The following PPIB variants were observed in gnomAD, a reference collection of about 807,000 sequenced individuals.
PPIB encodes peptidylprolyl isomerase B, also known as peptidyl-prolyl cis-trans isomerase B.
A neutral mutation model predicts 20.1 loss-of-function variants in PPIB; 15 were observed. The ratio of observed to expected loss-of-function variants is 0.75; its 90% CI spans 0.50 to 1.15. PPIB has a LOEUF of 1.15. Ranked by LOEUF, PPIB falls within the 50% of genes most tolerant of loss-of-function variation. The pLI, the probability that PPIB is intolerant of heterozygous loss-of-function variation, is 0.00. For synonymous variants in PPIB, 129 were observed against 111.0 expected, an observed-to-expected ratio of 1.16 and a Z score of -1.02; for missense variants, 278 against 283.0, an observed-to-expected ratio of 0.98 and a Z score of 0.13.
In PPIB at chr15:64,161,425, AT is replaced by A. The variant is rs1050336066; in HGVS notation, c.249+615del. ...AGGTGCACCCCGTCACACCCAGCTA[AT>A]TAAAAAAAATTTTTTTTGGCCGGGC... On this transcript the variant is annotated intron_variant, in intron 2 of 4. Transcript: ENST00000300026. This position sits in a 1 kb window ranked among gnomAD's most constrained non-coding sequence, Gnocchi z 4.2. 5.3e-5 allele frequency among the ~76,000 whole-genome samples: 8 copies of A among 152,048 alleles called. No homozygotes were observed. Among genetic ancestry groups the A allele is most frequent in the African/African-American group, 1.7e-4 (7 of 41,462 alleles).
In PPIB at chr15:64,158,677, C is replaced by T. The variant is rs562065632; in HGVS notation, c.343+1427G>A. Among the ~76,000 whole-genome samples the T allele has an allele frequency of 3.9e-5, 6 of 152,330 alleles. No individual in the cohort carries two copies. In the East Asian group the frequency reaches 7.7e-4, roughly 20 times the overall value. On this transcript the variant is annotated intron_variant, in intron 3 of 4. Transcript: ENST00000300026. The surrounding 1 kb of genome is among the most constrained non-coding windows in gnomAD (Gnocchi z 4.7). The stretch of plus-strand genomic sequence containing the variant: ...GGACATCACCCACCTCTCTGCACTC[C>T]GGGTACAGATGTCCTCACCCCACCT...
Position 64,160,803 on chromosome 15 carries a change from C to A in PPIB, c.250-606G>T, listed in dbSNP as rs557444607. 6.6e-6 allele frequency among the ~76,000 whole-genome samples: 1 copy of A among 152,144 alleles called. No individual in the cohort carries two copies. The highest frequency in any genetic ancestry group is 2.1e-4 in the South Asian group (1 of 4,814). On this transcript the variant is annotated intron_variant, in intron 2 of 4. Coordinates refer to ENST00000300026, the MANE Select transcript of PPIB (RefSeq NM_000942.5). This position sits in a 1 kb window ranked among gnomAD's most constrained non-coding sequence, Gnocchi z 4.8. ...CTGGGATTACAGGCATGTGCCACCACAATGCCCAGCTGATTTCTGTATTTT... is the reference window on the plus strand; with the variant it reads ...CTGGGATTACAGGCATGTGCCACCAAAATGCCCAGCTGATTTCTGTATTTT...
In PPIB at chr15:64,158,649, G is replaced by T. The variant is rs1359230881; in HGVS notation, c.343+1455C>A. On this transcript the variant is annotated intron_variant, in intron 3 of 4. Coordinates refer to ENST00000300026, the MANE Select transcript of PPIB (RefSeq NM_000942.5). The surrounding 1 kb of genome is among the most constrained non-coding windows in gnomAD (Gnocchi z 4.7). ...CTCCCTGCAGGCCGAAGCCCAGGCT[G>T]CAGGACATCACCCACCTCTCTGCAC... Among the ~76,000 whole-genome samples, 1 of 152,168 alleles carries T rather than the reference G, an allele frequency of 6.6e-6. No individual in the cohort carries two copies. Among genetic ancestry groups the T allele is most frequent in the East Asian group, 1.9e-4 (1 of 5,192 alleles).
rs1291526360 is a variant in PPIB at position 64,158,660 on chromosome 15, C to A, written c.343+1444G>T. 1.3e-5 allele frequency among the ~76,000 whole-genome samples: 2 copies of A among 152,210 alleles called. No individual in the cohort carries two copies. Among genetic ancestry groups the A allele is most frequent in the African/African-American group, 4.8e-5 (2 of 41,448 alleles). On this transcript the variant is annotated intron_variant, in intron 3 of 4. Coordinates refer to ENST00000300026, the MANE Select transcript of PPIB (RefSeq NM_000942.5). The surrounding 1 kb of genome is among the most constrained non-coding windows in gnomAD (Gnocchi z 4.7). ...CCGAAGCCCAGGCTGCAGGACATCACCCACCTCTCTGCACTCCGGGTACAG... is the reference window on the plus strand; with the variant it reads ...CCGAAGCCCAGGCTGCAGGACATCAACCACCTCTCTGCACTCCGGGTACAG...
In PPIB at chr15:64,156,937, G is replaced by A; in HGVS notation, c.344-28C>T. ...GGGAAAAAAGACAGAGCAGGTCAGGGGCGCTGGATTGCGCCAAACCAAGCA... is the reference window on the plus strand; with the variant it reads ...GGGAAAAAAGACAGAGCAGGTCAGGAGCGCTGGATTGCGCCAAACCAAGCA... On this transcript the variant is annotated intron_variant, in intron 3 of 4. Coordinates refer to ENST00000300026, the MANE Select transcript of PPIB (RefSeq NM_000942.5). The surrounding 1 kb of genome is among the most constrained non-coding windows in gnomAD (Gnocchi z 6.4). The A allele has an allele frequency of 6.2e-7, 1 of 1,612,232 alleles. No individual in the cohort carries two copies. The highest frequency in any genetic ancestry group is 1.1e-5 in the South Asian group (1 of 91,024).
In PPIB at chr15:64,156,579, GGT is replaced by G. The variant is rs1051298485; in HGVS notation, c.528+144_528+145del. 3.7e-5 allele frequency: 37 copies of G among 1,007,352 alleles called. 1 individual carries two copies. Among genetic ancestry groups the G allele is most frequent in the Middle Eastern group, 2.4e-4 (1 of 4,156 alleles). 62.4% of individuals were successfully genotyped at this position (1,007,352 alleles called of 1,614,324 possible). A position where few individuals can be genotyped will look rare whatever the true frequency, so the allele number is the denominator to read the frequency against. ...GAACCTTGGAGGCATGGAGGTACAG[GGT>G]TTATTCTGGACAGGAGCACTGGGCT... On this transcript the variant is annotated intron_variant, in intron 4 of 4. Coordinates refer to ENST00000300026, the MANE Select transcript of PPIB (RefSeq NM_000942.5). The surrounding 1 kb of genome is among the most constrained non-coding windows in gnomAD (Gnocchi z 6.4).
chr15:64,162,971 C>T lies in PPIB; in HGVS notation c.16G>A (p.Glu6Lys). ...GCAAGGAGCACCTTCATGTTGCGTT[C>T]GGAGAGGCGCAGCATCCACAGGCGG... MLRLS[E>K]RNMKVLLAAA... The change falls in exon 1 of 5, where the codon GAA becomes AAA. Residue 6 changes from glutamate (E) to lysine (K), a missense_variant. Coordinates refer to ENST00000300026, the MANE Select transcript of PPIB (RefSeq NM_000942.5). The T allele has an allele frequency of 6.2e-7, 1 of 1,612,032 alleles. No individual in the cohort carries two copies. The highest frequency in any genetic ancestry group is 1.3e-5 in the African/African-American group (1 of 74,984).
chr15:64,160,272 G>A lies in PPIB; in HGVS notation c.250-75C>T, dbSNP rs1387405049. 4 of 1,194,410 alleles carry A rather than the reference G, an allele frequency of 3.3e-6. No homozygotes were observed. Among genetic ancestry groups the A allele is most frequent in the African/African-American group, 3.0e-5 (2 of 66,556 alleles). The allele number at this position is 1,194,410 out of a possible 1,614,324, so 74.0% of individuals were successfully genotyped here. On this transcript the variant is annotated intron_variant, in intron 2 of 4. Transcript: ENST00000300026. This position sits in a 1 kb window ranked among gnomAD's most constrained non-coding sequence, Gnocchi z 4.8. ...ACATTACATTAAATAGGCCTCACAGGAACAAGTCCACAACTCCTGCTCGCA... is the reference window on the plus strand; with the variant it reads ...ACATTACATTAAATAGGCCTCACAGAAACAAGTCCACAACTCCTGCTCGCA...
At position 64,158,083 on chromosome 15, in the gene PPIB, C is replaced by T. The variant is rs1379692807; in HGVS notation, c.344-1174G>A. Among the ~76,000 whole-genome samples the T allele has an allele frequency of 6.6e-6, 1 of 152,216 alleles. No individual in the cohort carries two copies. The highest frequency in any genetic ancestry group is 1.5e-5 in the Non-Finnish European group (1 of 68,020). On this transcript the variant is annotated intron_variant, in intron 3 of 4. Transcript: ENST00000300026. The surrounding 1 kb of genome is among the most constrained non-coding windows in gnomAD (Gnocchi z 4.7). ...TAGCTCCAGCCACTCTCTCAAGATACAGGGGTTCCAAACTCAAATGGACAT... is the reference window on the plus strand; with the variant it reads ...TAGCTCCAGCCACTCTCTCAAGATATAGGGGTTCCAAACTCAAATGGACAT...
rs1269249612 is a variant in PPIB, at chr15:64,161,686, C to A, written c.249+355G>T. Among the ~76,000 whole-genome samples, 2 of 151,608 alleles carry A rather than the reference C, an allele frequency of 1.3e-5. No individual in the cohort carries two copies. The highest frequency in any genetic ancestry group is 4.9e-5 in the African/African-American group (2 of 41,234). On this transcript the variant is annotated intron_variant, in intron 2 of 4. Coordinates refer to ENST00000300026, the MANE Select transcript of PPIB (RefSeq NM_000942.5). This position sits in a 1 kb window ranked among gnomAD's most constrained non-coding sequence, Gnocchi z 4.2. ...GTTGCAGTGAGCTGAGGCCGCACCA[C>A]TGCACTCCAGCCCAGGCGACAAGAG...
Position 64,157,308 on chromosome 15 carries a change from G to A in PPIB, c.344-399C>T. Reference sequence around the variant, plus strand: ...AACTCTCCAGAAAAGGAGGACTGCTGTGGCTGACCAGCCTGTTTTCCTATG... The same window carrying A: ...AACTCTCCAGAAAAGGAGGACTGCTATGGCTGACCAGCCTGTTTTCCTATG... On this transcript the variant is annotated intron_variant, in intron 3 of 4. Transcript: ENST00000300026. This position sits in a 1 kb window ranked among gnomAD's most constrained non-coding sequence, Gnocchi z 4.2. The A allele has an allele frequency of 4.4e-6, 1 of 229,860 alleles. No homozygotes were observed. Among genetic ancestry groups the A allele is most frequent in the South Asian group, 7.2e-5 (1 of 13,796 alleles). 14.2% of individuals were successfully genotyped at this position (229,860 alleles called of 1,614,324 possible).
In PPIB at chr15:64,156,013, T is replaced by A. The variant is rs1432718363; in HGVS notation, c.*10A>T. On this transcript the variant is annotated 3_prime_UTR_variant, in exon 5 of 5. Transcript: ENST00000300026. The surrounding 1 kb of genome is among the most constrained non-coding windows in gnomAD (Gnocchi z 6.4). ...ACAGACGGTCACTCAAAGAAAGATGTCCCTGTGCCCTACTCCTTGGCGATG... is the reference window on the plus strand; with the variant it reads ...ACAGACGGTCACTCAAAGAAAGATGACCCTGTGCCCTACTCCTTGGCGATG... 6.2e-7 allele frequency: 1 copy of A among 1,614,086 alleles called. No homozygotes were observed. Among genetic ancestry groups the A allele is most frequent in the Non-Finnish European group, 8.5e-7 (1 of 1,179,988 alleles).
Position 64,155,924 on chromosome 15 carries a change from T to A in PPIB, c.*99A>T. ...TGGAATGTGAGGGGAGTGGGTCCGC[T>A]CCACCAGATGCCAGCACCGGGGCCA... On this transcript the variant is annotated 3_prime_UTR_variant, in exon 5 of 5. Transcript: ENST00000300026. The A allele has an allele frequency of 6.3e-7, 1 of 1,585,788 alleles. No homozygotes were observed. The highest frequency in any genetic ancestry group is 1.9e-4 in the Middle Eastern group (1 of 5,382).
Position 64,156,649 on chromosome 15 carries a change from G to A in PPIB, c.528+76C>T. On this transcript the variant is annotated intron_variant, in intron 4 of 4. Coordinates refer to ENST00000300026, the MANE Select transcript of PPIB (RefSeq NM_000942.5). This position sits in a 1 kb window ranked among gnomAD's most constrained non-coding sequence, Gnocchi z 6.4. ...CCTTTTGGGAAAGGGATGGACACAT[G>A]GAGCTCCTGCCCTGGGGTCTGTGTT... 6.4e-7 allele frequency: 1 copy of A among 1,560,338 alleles called. No individual in the cohort carries two copies. Among genetic ancestry groups the A allele is most frequent in the Admixed American group, 1.7e-5 (1 of 59,930 alleles).
rs1441160035 is a variant in PPIB at position 64,156,148 on chromosome 15, G to A, written c.529-3C>T. On this transcript the variant is annotated splice_region_variant and splice_polypyrimidine_tract_variant and intron_variant, in intron 4 of 4. Transcript: ENST00000300026. The surrounding 1 kb of genome is among the most constrained non-coding windows in gnomAD (Gnocchi z 6.4). ...CTCTCCACCTTCCGCACCACCTCCTGGAAAAGAAAGGTGGAAGCAGGAGGG... is the reference window on the plus strand; with the variant it reads ...CTCTCCACCTTCCGCACCACCTCCTAGAAAAGAAAGGTGGAAGCAGGAGGG... The A allele has an allele frequency of 1.2e-6, 2 of 1,613,942 alleles. No homozygotes were observed. Among genetic ancestry groups the A allele is most frequent in the Non-Finnish European group, 1.7e-6 (2 of 1,180,024 alleles).
At position 64,159,792 on chromosome 15, in the gene PPIB, C is replaced by T. The variant is rs969840095; in HGVS notation, c.343+312G>A. Reference sequence around the variant, plus strand: ...CACATGTCTTCACTTTGCTTCCACACGCCTCTCTCCCCAATCCCCATTCTG... The same window carrying T: ...CACATGTCTTCACTTTGCTTCCACATGCCTCTCTCCCCAATCCCCATTCTG... On this transcript the variant is annotated intron_variant, in intron 3 of 4. Coordinates refer to ENST00000300026, the MANE Select transcript of PPIB (RefSeq NM_000942.5). This position sits in a 1 kb window ranked among gnomAD's most constrained non-coding sequence, Gnocchi z 5.1. The T allele has an allele frequency of 1.3e-5, 6 of 473,452 alleles. No homozygotes were observed. The highest frequency in any genetic ancestry group is 5.9e-5 in the African/African-American group (3 of 50,852). 29.3% of individuals were successfully genotyped at this position (473,452 alleles called of 1,614,324 possible).
chr15:64,162,321 T>C (rs915327417), intron 1 of PPIB, among the ~76,000 whole-genome samples, 167 bp from the exon 2 acceptor site: 7 of 152,194 alleles, frequency 4.6e-5, no homozygotes, highest in Admixed American at 3.9e-4. Flanking sequence ...GAGAATCTAA[T>C]GAAAGCTCCA....
Position 64,160,860 on chromosome 15 carries a change from G to A in PPIB, c.250-663C>T, listed in dbSNP as rs1168994314. On this transcript the variant is annotated intron_variant, in intron 2 of 4. Transcript: ENST00000300026. The surrounding 1 kb of genome is among the most constrained non-coding windows in gnomAD (Gnocchi z 4.8). ...AGATGGGGTTTCACCATGGTGCCCA[G>A]GCTGCTCTCAAACTCCTAAACTCAC... 1.3e-5 allele frequency among the ~76,000 whole-genome samples: 2 copies of A among 152,164 alleles called. No individual in the cohort carries two copies. Among genetic ancestry groups the A allele is most frequent in the African/African-American group, 4.8e-5 (2 of 41,426 alleles).
chr15:64,157,102 G>A lies in PPIB; in HGVS notation c.344-193C>T, dbSNP rs1194070208. The A allele has an allele frequency of 1.3e-5, 8 of 617,886 alleles. No homozygotes were observed. Among genetic ancestry groups the A allele is most frequent in the Non-Finnish European group, 2.3e-5 (8 of 352,458 alleles). The allele number at this position is 617,886 out of a possible 1,614,324, so 38.3% of individuals were successfully genotyped here. ...AGCCATGCTGACTGAGGCCAAGTGG[G>A]GCATCAGGCCAGGCTGATGTGGTGA... On this transcript the variant is annotated intron_variant, in intron 3 of 4. Transcript: ENST00000300026. The surrounding 1 kb of genome is among the most constrained non-coding windows in gnomAD (Gnocchi z 4.2).
Sources: gnomAD v4.1 joint callset for allele counts (sites outside exome capture counted in the v4.1 genomes callset) on GRCh38, gnomAD v4.1.1 for gene constraint, Gnocchi (gnomAD v3.1) non-coding constraint, MANE v1.5 for transcripts, NCBI Gene and HGNC (gene_info 2026-07-23, HGNC 2026-07-21) for gene names.